NR3C2: variants seen among roughly 807,000 people sequenced by gnomAD.
The protein encoded by NR3C2 is mineralocorticoid receptor.
A neutral mutation model predicts 86.4 loss-of-function variants in NR3C2; 15 were observed. The observed-to-expected ratio is 0.17, with a 90% confidence interval of 0.12 to 0.27. The LOEUF is 0.27. Among genes scored for constraint, NR3C2 ranks in the 10% least tolerant of loss-of-function variants. NR3C2 has a pLI of 1.00. For synonymous variants in NR3C2, 458 were observed against 450.5 expected, an observed-to-expected ratio of 1.02 and a Z score of -0.21; for missense variants, 960 against 1,195.6, an observed-to-expected ratio of 0.80 and a Z score of 2.91.
In NR3C2 at chr4:148,437,880, C is replaced by A. The variant is rs144537842; in HGVS notation, c.-2-1018G>T. 1.3e-4 allele frequency among the ~76,000 whole-genome samples: 20 copies of A among 152,312 alleles called. No homozygotes were observed. In the East Asian group the frequency reaches 3.7e-3, roughly 28 times the overall value. ...CCACCAGGTTGTTTCAGATATATAA[C>A]CATATCCATGCGCTCTATAGATCAA... On this transcript the variant is annotated intron_variant, in intron 1 of 8. Transcript: ENST00000358102.
At chr4:148,121,889 G>A (rs1247128511) in intron 6 of NR3C2, among the ~76,000 whole-genome samples, 2 of 152,150 alleles carry the variant, frequency 1.3e-5, no homozygotes, top group East Asian at 1.9e-4. Context: ...ATGGACACTT[G>A]GGTTGTTTGC....
intron 7 of NR3C2, among the ~76,000 whole-genome samples, chr4:148,116,794 A>G (rs554776025): frequency 6.6e-6 from 1 of 152,348 alleles, no homozygotes; most frequent in South Asian, 2.1e-4. Context: ...AAATGGTATC[A>G]GAATCTATTA....
At chr4:148,251,041 C>T (rs1739550806) in intron 3 of NR3C2, among the ~76,000 whole-genome samples, 1 of 151,982 alleles carries the variant, frequency 6.6e-6, no homozygotes, top group African/African-American at 2.4e-5. Flanking sequence ...GCCACAATAT[C>T]CAGGTTCAAG....
intron 2 of NR3C2, among the ~76,000 whole-genome samples, chr4:148,376,277 G>C (rs1746675533): frequency 6.6e-6 from 1 of 151,852 alleles, no homozygotes; most frequent in South Asian, 2.1e-4. Flanking sequence ...TGTAATTCTT[G>C]AGCCTGTGCC....
At chr4:148,267,010 T>C (rs1044544107) in intron 2 of NR3C2, among the ~76,000 whole-genome samples, 5 of 152,148 alleles carry the variant, frequency 3.3e-5, no homozygotes, top group Non-Finnish European at 7.4e-5. Flanking sequence ...GAACAGTATA[T>C]AGAGGATGAC....
intron 3 of NR3C2, among the ~76,000 whole-genome samples, chr4:148,215,880 A>G (rs1737509405): frequency 6.6e-6 from 1 of 151,230 alleles, no homozygotes; most frequent in South Asian, 2.1e-4. Flanking sequence ...CCTGGGTTCA[A>G]CCAATTCCCC....
At chr4:148,245,898 A>G (rs1739291870) in intron 3 of NR3C2, among the ~76,000 whole-genome samples, 1 of 152,216 alleles carries the variant, frequency 6.6e-6, no homozygotes, top group South Asian at 2.1e-4. Context: ...TTACTATAAG[A>G]TTTTAATCAA....
At position 148,232,522 on chromosome 4, in the gene NR3C2, C is replaced by T. The variant is rs189343584; in HGVS notation, c.1897+27456G>A. On this transcript the variant is annotated intron_variant, in intron 3 of 8. Transcript: ENST00000358102. ...GTGCTGTCATCTAGCTTTATTGCAT[C>T]ATGTATAGAGTACAGGCAGAGTAGA... 8.3e-4 allele frequency among the ~76,000 whole-genome samples: 126 copies of T among 152,294 alleles called. No homozygotes were observed. In the East Asian group the frequency reaches 0.019, roughly 23 times the overall value.
At chr4:148,302,307 T>C (rs1487950942) in intron 2 of NR3C2, among the ~76,000 whole-genome samples, 2 of 152,200 alleles carry the variant, frequency 1.3e-5, no homozygotes, top group African/African-American at 4.8e-5. Flanking sequence ...AAGTAATCTT[T>C]TTTACTTTTG....
At chr4:148,354,481 C>T (rs1030941128) in intron 2 of NR3C2, among the ~76,000 whole-genome samples, 1 of 152,162 alleles carries the variant, frequency 6.6e-6, no homozygotes, top group South Asian at 2.1e-4. Flanking sequence ...TTTAAACCTA[C>T]ACAATCCAAT....
intron 2 of NR3C2, among the ~76,000 whole-genome samples, chr4:148,342,569 A>C (rs1744798746): frequency 1.3e-5 from 2 of 152,152 alleles, no homozygotes; most frequent in Admixed American, 1.3e-4. Context: ...CTGATCCATA[A>C]TAAGCCCCTT....
At chr4:148,305,531 ATTCT>A (rs1742571278) in intron 2 of NR3C2, among the ~76,000 whole-genome samples, 1 of 142,386 alleles carries the variant, frequency 7.0e-6, no homozygotes, top group Non-Finnish European at 1.5e-5. Flanking sequence ...CAAGGATCCC[ATTCT>A]TTCTTAAAAA....
At chr4:148,088,242 TAAG>T (rs1351747117) in intron 8 of NR3C2, among the ~76,000 whole-genome samples, 3 of 152,158 alleles carry the variant, frequency 2.0e-5, no homozygotes, top group Admixed American at 6.5e-5. Context: ...TATGGAGAAA[TAAG>T]AACACTTTTA....
At chr4:148,366,477 TAC>T (rs1746142085) in intron 2 of NR3C2, among the ~76,000 whole-genome samples, 1 of 11,744 alleles carries the variant, frequency 8.5e-5, no homozygotes, top group Non-Finnish European at 2.2e-4. Flanking sequence ...TTTTAAAAAG[TAC>T]TCAGCACTTT....
At chr4:148,255,521 C>A (rs1314217778) in intron 3 of NR3C2, among the ~76,000 whole-genome samples, 2 of 152,186 alleles carry the variant, frequency 1.3e-5, no homozygotes, top group African/African-American at 4.8e-5. Flanking sequence ...AAACTGACAT[C>A]ATACAATTTG....
chr4:148,384,800 T>C (rs901215362), intron 2 of NR3C2, among the ~76,000 whole-genome samples: 2 of 152,108 alleles, frequency 1.3e-5, no homozygotes, highest in African/African-American at 4.8e-5. Flanking sequence ...AAATCAACTA[T>C]AAAAAACATC....
chr4:148,193,849 G>T (rs1736316617), intron 4 of NR3C2, among the ~76,000 whole-genome samples: 1 of 152,120 alleles, frequency 6.6e-6, no homozygotes, highest in Non-Finnish European at 1.5e-5. Flanking sequence ...ATATAGTTAA[G>T]AGCTGGTATT....
intron 3 of NR3C2, among the ~76,000 whole-genome samples, chr4:148,233,028 C>A (rs908054908): frequency 6.6e-6 from 1 of 152,176 alleles, no homozygotes; most frequent in Non-Finnish European, 1.5e-5. Flanking sequence ...GATCTTCTAT[C>A]CAGACCACTA....
chr4:148,200,210 C>T (rs1470638413), intron 3 of NR3C2, among the ~76,000 whole-genome samples: 1 of 152,196 alleles, frequency 6.6e-6, no homozygotes, highest in Admixed American at 6.5e-5. Flanking sequence ...CAGAGGTCGC[C>T]AATGCCCTGC....
Sources: gnomAD v4.1 joint callset for allele counts (sites outside exome capture counted in the v4.1 genomes callset) on GRCh38, gnomAD v4.1.1 for gene constraint, MANE v1.5 for transcripts, NCBI Gene and HGNC (gene_info 2026-07-23, HGNC 2026-07-21) for gene names.